The following RNASE10 variants were observed in gnomAD, a reference collection of about 807,000 sequenced individuals.
The protein encoded by RNASE10 is inactive ribonuclease-like protein 10.
In RNASE10, 2 loss-of-function variants were observed where a neutral mutation model predicts 1.1. That is an observed-to-expected ratio of 1.82 (90% CI 0.74 to 5.73). The LOEUF (loss-of-function observed/expected upper bound fraction) is 5.73, where lower values mean the gene tolerates loss of function less well. RNASE10 is among the 30% of genes most tolerant of loss of function. The pLI is 0.05. For missense variants in RNASE10, 276 were observed against 263.4 expected (o/e 1.05, Z -0.33); for synonymous variants, 97 against 96.2 (o/e 1.01, Z -0.05).
chr14:20,506,524 A>G (rs1326902683), intron 1 of RNASE10, among the ~76,000 whole-genome samples: 7 of 88,932 alleles, frequency 7.9e-5, no homozygotes, highest in Non-Finnish European at 1.1e-4. Context: ...CAGCCGCCCT[A>G]TCCAGGAGGT....
chr14:20,506,678 C>A (rs1882733969), intron 1 of RNASE10, among the ~76,000 whole-genome samples: 2 of 123,698 alleles, frequency 1.6e-5, no homozygotes, highest in Admixed American at 7.8e-5. Context: ...GGGGTCAGCC[C>A]CCCGCCCGGC....
chr14:20,508,484 C>T (rs1882809351), intron 1 of RNASE10, among the ~76,000 whole-genome samples: 3 of 152,194 alleles, frequency 2.0e-5, no homozygotes, highest in South Asian at 4.1e-4. Context: ...CCATTAGCTA[C>T]TTAGTGGCCA....
chr14:20,507,077 G>A (rs1356226362), intron 1 of RNASE10, among the ~76,000 whole-genome samples: 27 of 149,374 alleles, frequency 1.8e-4, no homozygotes, highest in Non-Finnish European at 1.5e-5. Flanking sequence ...GAAGTGAGGA[G>A]CCCCTCTGCC....
exon 2 of RNASE10, chr14:20,510,519 G>A (rs1014429676): frequency 4.3e-6 from 7 of 1,613,880 alleles, no homozygotes; most frequent in Non-Finnish European, 5.9e-6. Flanking sequence ...TGATGCTGCT[G>A]CTGGGCCTGG....
downstream of RNASE10, chr14:20,511,231 T>G: frequency 1.1e-6 from 1 of 918,886 alleles, no homozygotes; most frequent in Non-Finnish European, 1.5e-6. Context: ...GATGGAATTC[T>G]TCCTTGCCCT....
At chr14:20,505,270 CCCT>C (rs1401149275), upstream of RNASE10, among the ~76,000 whole-genome samples, 1 of 8,990 alleles carries the variant, frequency 1.1e-4, no homozygotes, top group African/African-American at 8.8e-4. Flanking sequence ...TGCTCCCTCT[CCCT>C]CTCCCTCTCC....
chr14:20,511,076 T>G, exon 2 of RNASE10: 2 of 1,518,450 alleles, frequency 1.3e-6, no homozygotes, highest in Non-Finnish European at 1.8e-6. Context: ...AAGCACATTA[T>G]TATAACCTGT....
At chr14:20,512,374 G>C (rs1205424918), downstream of RNASE10, among the ~76,000 whole-genome samples, 1 of 152,148 alleles carries the variant, frequency 6.6e-6, no homozygotes, top group Non-Finnish European at 1.5e-5. Context: ...CATGCATAGG[G>C]AGAAGAGGAA....
downstream of RNASE10, among the ~76,000 whole-genome samples, chr14:20,513,153 C>T (rs1366672844): frequency 1.3e-5 from 2 of 152,162 alleles, no homozygotes; most frequent in African/African-American, 4.8e-5. Flanking sequence ...TGGGCATACT[C>T]ATCTCCTCCG....
At chr14:20,509,860 C>T (rs55979816) in intron 1 of RNASE10, among the ~76,000 whole-genome samples, 25,590 of 150,560 alleles carry the variant, frequency 0.17, 2,752 homozygotes, top group East Asian at 0.58. Flanking sequence ...CATGGTGGCT[C>T]ACACTTGTAA....
At chr14:20,508,616 C>T (rs1882811779) in intron 1 of RNASE10, among the ~76,000 whole-genome samples, 1 of 152,142 alleles carries the variant, frequency 6.6e-6, no homozygotes, top group African/African-American at 2.4e-5. Flanking sequence ...AAAAAGAACC[C>T]GTAAAGTGCT....
chr14:20,511,350 G>A (rs10083404), downstream of RNASE10, among the ~76,000 whole-genome samples: 2,903 of 152,280 alleles, frequency 0.019, 99 homozygotes, highest in African/African-American at 0.067. Context: ...ACCCTGGAAA[G>A]GAGTAAGTGA....
chr14:20,507,830 C>G (rs1236643743), intron 1 of RNASE10, among the ~76,000 whole-genome samples: 1 of 151,986 alleles, frequency 6.6e-6, no homozygotes, highest in Non-Finnish European at 1.5e-5. Flanking sequence ...TCACTGCAGC[C>G]TCAACTTCCT....
downstream of RNASE10, among the ~76,000 whole-genome samples, chr14:20,511,835 T>C (rs1882906935): frequency 1.3e-5 from 2 of 152,218 alleles, no homozygotes; most frequent in South Asian, 4.1e-4. Context: ...TTGCTTCTTT[T>C]TCTCCTTACT....
chr14:20,505,116 A>G (rs929547975), upstream of RNASE10, among the ~76,000 whole-genome samples: 1 of 151,858 alleles, frequency 6.6e-6, no homozygotes, highest in Non-Finnish European at 1.5e-5. Context: ...GGTCTCAGCC[A>G]ATGCTGTAGG....
At chr14:20,513,017 G>A (rs576495397), downstream of RNASE10, among the ~76,000 whole-genome samples, 75 of 152,246 alleles carry the variant, frequency 4.9e-4, no homozygotes, top group African/African-American at 1.5e-3. Flanking sequence ...CCATTGTATG[G>A]AGTGAATTAT....
intron 1 of RNASE10, among the ~76,000 whole-genome samples, chr14:20,507,603 T>C (rs1395301070): frequency 7.7e-6 from 1 of 130,322 alleles, no homozygotes; most frequent in African/African-American, 3.2e-5. Context: ...CACCCAAGAA[T>C]GATCAATTAA....
chr14:20,506,634 G>A (rs1429741413), intron 1 of RNASE10, among the ~76,000 whole-genome samples: 3 of 99,096 alleles, frequency 3.0e-5, no homozygotes, highest in African/African-American at 9.9e-5. Context: ...TCAGCCCCCC[G>A]CCTGGCCAGC....
chr14:20,510,924 C>T, exon 2 of RNASE10: 1 of 1,613,374 alleles, frequency 6.2e-7, no homozygotes, highest in Non-Finnish European at 8.5e-7. Flanking sequence ...TCAAAGCTGT[C>T]TGTAACAGTC....
Sources: allele counts gnomAD v4.1 joint callset (sites outside exome capture counted in the v4.1 genomes callset), GRCh38; gene constraint gnomAD v4.1.1; transcripts MANE v1.5; gene names NCBI Gene and HGNC (gene_info 2026-07-23, HGNC 2026-07-21).